The following GTPBP1 variants were observed in gnomAD, a reference collection of about 807,000 sequenced individuals.
GTPBP1 encodes the protein GTP binding protein 1, also known as GTP-binding protein 1.
A neutral mutation model predicts 62.0 loss-of-function variants in GTPBP1; 23 were observed. The ratio of observed to expected loss-of-function variants is 0.37; its 90% CI spans 0.27 to 0.53. The LOEUF (loss-of-function observed/expected upper bound fraction) is 0.53. Among genes scored for constraint, GTPBP1 ranks in the 20% least tolerant of loss-of-function variants. The probability of loss-of-function intolerance (pLI) is 0.89; values close to 1 mark genes in which losing one functional copy is unlikely to be tolerated. For missense variants in GTPBP1, 640 were observed against 917.3 expected (o/e 0.70, Z 3.90); for synonymous variants, 344 against 364.4 (o/e 0.94, Z 0.64).
intron 2 of GTPBP1, among the ~76,000 whole-genome samples, chr22:38,711,163 A>G (rs934431506): frequency 6.6e-6 from 1 of 152,216 alleles, no homozygotes; most frequent in Non-Finnish European, 1.5e-5. Context: ...TCTGTTTATC[A>G]CATCCTTTCT....
chr22:38,717,471 A>G (rs568983371), intron 4 of GTPBP1, among the ~76,000 whole-genome samples: 2 of 152,276 alleles, frequency 1.3e-5, no homozygotes, highest in African/African-American at 2.4e-5. Context: ...GGAGCCTGGG[A>G]GGAGGATCGG....
At chr22:38,706,197 G>A (rs1603160782) in intron 1 of GTPBP1, 50 bp downstream of exon 1, 1 of 1,154,124 alleles carries the variant, frequency 8.7e-7, no homozygotes, top group Non-Finnish European at 1.1e-6. Flanking sequence ...GCGGCTGGCC[G>A]AGCAGTCTCC....
At chr22:38,735,330 G>A, downstream of GTPBP1, 1 of 435,988 alleles carries the variant, frequency 2.3e-6, no homozygotes, top group South Asian at 1.6e-5. Context: ...GGGGGCCGGT[G>A]CAGACAGACC....
downstream of GTPBP1, chr22:38,740,052 C>A: frequency 1.1e-5 from 15 of 1,333,408 alleles, no homozygotes; most frequent in South Asian, 2.0e-4. The surrounding 1 kb of genome is among the most constrained non-coding windows in gnomAD (Gnocchi z 4.8). Context: ...AGGAGGGAGG[C>A]CACTGGAGGA....
At chr22:38,710,249 A>G (rs780805798) in intron 2 of GTPBP1, among the ~76,000 whole-genome samples, 1 of 152,216 alleles carries the variant, frequency 6.6e-6, no homozygotes, top group Non-Finnish European at 1.5e-5. Flanking sequence ...ATACATATCT[A>G]TTAAGTATCT....
Position 38,728,051 on chromosome 22 carries a change from G to A in GTPBP1, c.1606G>A (p.Asp536Asn). The A allele has an allele frequency of 6.2e-7, 1 of 1,613,242 alleles. No homozygotes were observed. Among genetic ancestry groups the A allele is most frequent in the Non-Finnish European group, 8.5e-7 (1 of 1,179,186 alleles). ...GGACAAGGACTGTCTGCGCACTGGG[G>A]ACAAGGCCACTGTACACTTCCGCTT... ...SMDKDCLRTG[D>N]KATVHFRFIK... The change falls in exon 10 of 12, where the codon GAC becomes AAC. Residue 536 changes from aspartate (D) to asparagine (N), a missense_variant. Around this residue, in one of 4 missense-constraint regions of GTPBP1, gnomAD observed 220 missense variants for 358.1 expected, o/e 0.61. Transcript: ENST00000216044.
At chr22:38,738,102 G>T, downstream of GTPBP1, 1 of 1,366,098 alleles carries the variant, frequency 7.3e-7, no homozygotes, top group South Asian at 1.2e-5. This position sits in a 1 kb window ranked among gnomAD's most constrained non-coding sequence, Gnocchi z 6.6. Context: ...GGCAGGGTAA[G>T]TGCCCAGGGA....
Position 38,724,515 on chromosome 22 carries a change from A to G in GTPBP1, c.1073+104A>G, listed in dbSNP as rs536582397. ...GTCAGTTTGGGCATAAGGTCTCATG[A>G]AAACACCACATCAACACCTCTCCCT... On this transcript the variant is annotated intron_variant, in intron 6 of 11. Transcript: ENST00000216044. The G allele has an allele frequency of 2.5e-5, 17 of 691,884 alleles. No individual in the cohort carries two copies. The South Asian group carries it at 2.6e-4, about 11-fold the overall frequency. 42.9% of individuals were successfully genotyped at this position (691,884 alleles called of 1,614,324 possible).
intron 6 of GTPBP1, 112 bp from the exon 7 acceptor site, chr22:38,725,894 A>G: frequency 5.2e-6 from 5 of 955,952 alleles, no homozygotes; most frequent in South Asian, 2.9e-5. Flanking sequence ...GGAGTCATGA[A>G]TAGTGGCATC....
downstream of GTPBP1, chr22:38,735,123 C>G: frequency 7.4e-6 from 3 of 402,850 alleles, no homozygotes; most frequent in South Asian, 5.4e-5. Flanking sequence ...ATACATAATA[C>G]AGTGGGGCCT....
downstream of GTPBP1, chr22:38,735,397 C>T (rs953318803): frequency 2.8e-6 from 1 of 359,180 alleles, no homozygotes; most frequent in African/African-American, 2.1e-5. Context: ...ATGCTCCCCA[C>T]TCTTCTTGCT....
At chr22:38,714,351 C>A (rs185790472) in intron 2 of GTPBP1, among the ~76,000 whole-genome samples, 20 of 152,038 alleles carry the variant, frequency 1.3e-4, no homozygotes, top group African/African-American at 4.8e-4. Flanking sequence ...TGATGGCGGG[C>A]GCCTGTAATC....
chr22:38,712,704 C>T (rs1026302341), intron 2 of GTPBP1, among the ~76,000 whole-genome samples: 4 of 152,102 alleles, frequency 2.6e-5, no homozygotes, highest in Admixed American at 2.0e-4. Flanking sequence ...TGACCGAGAG[C>T]CCTGATGGAC....
intron 1 of GTPBP1, among the ~76,000 whole-genome samples, chr22:38,707,136 C>T (rs987531660): frequency 5.9e-5 from 9 of 152,122 alleles, no homozygotes; most frequent in African/African-American, 7.2e-5. Flanking sequence ...CCTAATAGTG[C>T]CTGATGCATA....
chr22:38,739,366 C>T, downstream of GTPBP1: 3 of 1,613,120 alleles, frequency 1.9e-6, no homozygotes, highest in East Asian at 2.2e-5. This position sits in a 1 kb window ranked among gnomAD's most constrained non-coding sequence, Gnocchi z 6.7. Context: ...GCGTAGTCTG[C>T]CAGCCCGATG....
chr22:38,724,318 G>A lies in GTPBP1; in HGVS notation c.980G>A (p.Arg327His), dbSNP rs775495102. ...ILQETLKLLQ[R>H]LLKSPGCRKI... ...TAAGAAACCCTGAAGCTGTTACAGC[G>A]CCTGCTGAAGTCACCAGGCTGCCGG... is the stretch of plus-strand genomic sequence containing the variant. Residue 327 changes from arginine (R) to histidine (H), a missense_variant, in exon 6 of 12, where the codon CGC (arginine) becomes CAC (histidine). Physicochemically the swap from Arg to His is conservative, Grantham distance 29 (BLOSUM62 0). Coordinates refer to ENST00000216044, the MANE Select transcript of GTPBP1 (RefSeq NM_004286.5). The A allele has an allele frequency of 1.9e-6, 3 of 1,611,468 alleles. No homozygotes were observed. The highest frequency in any genetic ancestry group is 2.5e-6 in the Non-Finnish European group (3 of 1,177,710).
downstream of GTPBP1, chr22:38,736,221 G>C (rs771079463): frequency 5.8e-6 from 9 of 1,557,584 alleles, no homozygotes; most frequent in Non-Finnish European, 7.9e-6. Context: ...GCGGGGTGCT[G>C]TTCACCCACT....
chr22:38,722,880 T>C, intron 5 of GTPBP1: 1 of 1,370,830 alleles, frequency 7.3e-7, no homozygotes, highest in Non-Finnish European at 1.0e-6. Flanking sequence ...GTGGAGGGTT[T>C]CTTCCACGCT....
At chr22:38,723,124 A>C (rs921146433) in intron 5 of GTPBP1, 1 of 781,568 alleles carries the variant, frequency 1.3e-6, no homozygotes, top group African/African-American at 1.7e-5. Context: ...CCACAACTTC[A>C]CAGTTCACAT....
Sources: gnomAD v4.1 joint callset for allele counts (sites outside exome capture counted in the v4.1 genomes callset) on GRCh38, gnomAD v4.1.1 for gene constraint, gnomAD v4.1.1 regional missense constraint, Gnocchi (gnomAD v3.1) non-coding constraint, MANE v1.5 for transcripts, NCBI Gene and HGNC (gene_info 2026-07-23, HGNC 2026-07-21) for gene names.